The following BEND2 variants were observed in gnomAD, a reference collection of about 807,000 sequenced individuals.
BEND2 encodes the protein BEN domain-containing protein 2.
In BEND2, 19 loss-of-function variants were observed where a neutral mutation model predicts 43.8. That is an observed-to-expected ratio of 0.43 (90% confidence interval 0.30 to 0.64). The LOEUF (loss-of-function observed/expected upper bound fraction) is 0.64. Among genes scored for constraint, BEND2 ranks in the 30% least tolerant of loss-of-function variants. The pLI is 0.11. For missense variants in BEND2, 544 were observed against 574.0 expected, an observed-to-expected ratio of 0.95 and a Z score of 0.53; for synonymous variants, 226 against 210.1, an observed-to-expected ratio of 1.08 and a Z score of -0.66.
At chrX:18,189,585 G>A (rs190985363) in intron 8 of BEND2, among the ~76,000 whole-genome samples, 1 of 111,383 alleles carries the variant, frequency 9.0e-6, no homozygotes, top group Admixed American at 9.6e-5. Context: ...TAATCAATGT[G>A]ATATGTCATA....
intron 7 of BEND2, 23 bp downstream of exon 7, chrX:18,195,273 G>C: frequency 8.4e-7 from 1 of 1,188,939 alleles, no homozygotes. Flanking sequence ...GCCTGCTTGT[G>C]ATATCCATTA....
rs1431491644 is a variant in BEND2, at chrX:18,168,868, T to A, written c.2185+2133A>T. Among the ~76,000 whole-genome samples the A allele has an allele frequency of 4.4e-5, 5 of 112,391 alleles. No individual in the cohort carries two copies. In the East Asian group the frequency reaches 1.1e-3, roughly 25 times the overall value. On this transcript the variant is annotated intron_variant, in intron 13 of 13. Transcript: ENST00000380033. ...AAATTGGTTTATTCATTCAATGGGATATGAATCAGTAGTTCAAATGTATGA... is the reference window on the plus strand; with the variant it reads ...AAATTGGTTTATTCATTCAATGGGAAATGAATCAGTAGTTCAAATGTATGA...
chrX:18,179,813 G>T (rs936639849), intron 9 of BEND2, among the ~76,000 whole-genome samples: 1 of 112,697 alleles, frequency 8.9e-6, no homozygotes, highest in Non-Finnish European at 1.9e-5. Context: ...ACCCTTAGAA[G>T]CCACAGAGCT....
chrX:18,220,147 C>T (rs1430755434), intron 1 of BEND2, among the ~76,000 whole-genome samples: 1 of 111,723 alleles, frequency 9.0e-6, no homozygotes, highest in Non-Finnish European at 1.9e-5. Flanking sequence ...GGGTACCACC[C>T]AAAGCACCCC....
At position 18,213,927 on chromosome X, in the gene BEND2, T is replaced by G. The variant is rs140196146; in HGVS notation, c.239-16A>C. The G allele has an allele frequency of 0.013, 1,514 of 112,579 alleles. 23 individuals carry two copies. The highest frequency in any genetic ancestry group is 0.046 in the African/African-American group (1,382 of 30,309). 9.3% of individuals were successfully genotyped at this position (112,579 alleles called of 1,213,427 possible). On this transcript the variant is annotated splice_polypyrimidine_tract_variant and intron_variant, in intron 2 of 13. Transcript: ENST00000380033. ...GAGCCAGACCCTGACTCAAAAATAA[T>G]AAGAAGAAGAAAATAAAAGATACAA...
Position 18,164,653 on chromosome X carries a change from A to C in BEND2, c.*356T>G. ...ACTTGTCAAGTTTTATACGAATTAT[A>C]TTATTTGACTGAGTGGCTCCTTACT... is the stretch of plus-strand genomic sequence containing the variant. On this transcript the variant is annotated 3_prime_UTR_variant, in exon 14 of 14. Coordinates refer to ENST00000380033, the MANE Select transcript of BEND2 (RefSeq NM_153346.5). 1 of 140,628 alleles carries C rather than the reference A, an allele frequency of 7.1e-6. No homozygotes were observed. The highest frequency in any genetic ancestry group is 1.4e-5 in the Non-Finnish European group (1 of 72,011). The allele number at this position is 140,628 out of a possible 1,213,427, so 11.6% of individuals were successfully genotyped here. A position where few individuals can be genotyped will look rare whatever the true frequency, so the allele number is the denominator to read the frequency against.
At chrX:18,192,243 A>C (rs888340129) in intron 7 of BEND2, among the ~76,000 whole-genome samples, 3 of 112,136 alleles carry the variant, frequency 2.7e-5, no homozygotes, top group Non-Finnish European at 5.6e-5. Flanking sequence ...AAAGACAATA[A>C]ATCTCAATCA....
intron 13 of BEND2, among the ~76,000 whole-genome samples, chrX:18,166,352 G>A (rs913939613): frequency 4.5e-5 from 5 of 111,590 alleles, no homozygotes; most frequent in Non-Finnish European, 9.4e-5. Context: ...TTTCTTGGGG[G>A]AAAAGGTTCT....
intron 4 of BEND2, among the ~76,000 whole-genome samples, 183 bp downstream of exon 4, chrX:18,212,382 A>G (rs1261379546): frequency 8.9e-6 from 1 of 111,788 alleles, no homozygotes; most frequent in Non-Finnish European, 1.9e-5. Flanking sequence ...TACAGGCATG[A>G]GCCACTGCGC....
Position 18,214,803 on chromosome X carries a change from T to C in BEND2, c.239-892A>G, listed in dbSNP as rs1252365004. Among the ~76,000 whole-genome samples the C allele has an allele frequency of 1.4e-4, 8 of 58,227 alleles. No homozygotes were observed. In the South Asian group the frequency reaches 0.011, roughly 83 times the overall value. 50.6% of individuals were successfully genotyped at this position (58,227 alleles called of 115,157 possible). A position where few individuals can be genotyped will look rare whatever the true frequency, so the allele number is the denominator to read the frequency against. On this transcript the variant is annotated intron_variant, in intron 2 of 13. Coordinates refer to ENST00000380033, the MANE Select transcript of BEND2 (RefSeq NM_153346.5). ...TCCAACCTGGGCGACAGAGAGAGACTCTGTCTCAAAAAAAAAAAAAAAAAA... is the reference window on the plus strand; with the variant it reads ...TCCAACCTGGGCGACAGAGAGAGACCCTGTCTCAAAAAAAAAAAAAAAAAA...
chrX:18,181,256 AG>A (rs1365968564), intron 8 of BEND2, among the ~76,000 whole-genome samples: 1 of 111,626 alleles, frequency 9.0e-6, no homozygotes, highest in Non-Finnish European at 1.9e-5. Context: ...AATTAATTGC[AG>A]GGGTTTTTTT....
At chrX:18,165,352 G>T in intron 13 of BEND2, 129 bp from the exon 14 acceptor site, 1 of 508,425 alleles carries the variant, frequency 2.0e-6, no homozygotes, top group Non-Finnish European at 3.3e-6. Context: ...ACACACATAG[G>T]CTATAATCAT....
At chrX:18,210,302 A>C (rs1424923177) in intron 4 of BEND2, among the ~76,000 whole-genome samples, 2 of 111,994 alleles carry the variant, frequency 1.8e-5, no homozygotes, top group Non-Finnish European at 3.8e-5. Flanking sequence ...CATTAATGAT[A>C]CTTCCACCTT....
At chrX:18,200,502 C>CAAAAAAAAAAAA (rs397895069) in intron 6 of BEND2, among the ~76,000 whole-genome samples, 3 of 38,662 alleles carry the variant, frequency 7.8e-5, no homozygotes, top group African/African-American at 9.7e-5. Flanking sequence ...GACTCTGTCT[C>CAAAAAAAAAAAA]AAAAAAAAAA....
intron 8 of BEND2, among the ~76,000 whole-genome samples, chrX:18,180,899 C>T (rs938394558): frequency 6.4e-5 from 7 of 109,411 alleles, no homozygotes; most frequent in African/African-American, 1.7e-4. Context: ...CTTAGCCTTC[C>T]GAGTAGCTGG....
intron 1 of BEND2, among the ~76,000 whole-genome samples, chrX:18,218,467 C>T (rs1458393233): frequency 3.6e-5 from 4 of 112,656 alleles, no homozygotes; most frequent in African/African-American, 1.3e-4. Context: ...TTGACAACAC[C>T]GCTAAGGTTT....
At chrX:18,180,773 C>CTTTTTTTTTTTCTTTCTTTCT in intron 8 of BEND2, 123 bp from the exon 9 acceptor site, 2 of 401,408 alleles carry the variant, frequency 5.0e-6, no homozygotes, top group South Asian at 4.8e-5. Flanking sequence ...CAGACCTACT[C>CTTTTTTTTTTTCTTTCTTTCT]TTTTTTTTTT....
intron 7 of BEND2, among the ~76,000 whole-genome samples, chrX:18,193,176 G>A (rs1924829163): frequency 9.1e-6 from 1 of 109,924 alleles, no homozygotes; most frequent in South Asian, 3.9e-4. Context: ...AAATTAGCTC[G>A]GCGTGGTGTC....
At chrX:18,189,862 C>T (rs963014498) in intron 8 of BEND2, among the ~76,000 whole-genome samples, 19 of 110,293 alleles carry the variant, frequency 1.7e-4, no homozygotes, top group African/African-American at 6.3e-4. Flanking sequence ...TCCTGGCTAA[C>T]ATGGTGAAAC....
Sources: allele counts gnomAD v4.1 joint callset (sites outside exome capture counted in the v4.1 genomes callset), GRCh38; gene constraint gnomAD v4.1.1; transcripts MANE v1.5; gene names NCBI Gene and HGNC (gene_info 2026-07-23, HGNC 2026-07-21).